The following AP3S1 variants were observed in gnomAD, a reference collection of about 807,000 sequenced individuals.
AP3S1 encodes adaptor related protein complex 3 subunit sigma 1, also known as AP-3 complex subunit sigma-1.
AP3S1 carries 12 observed loss-of-function variants against 21.3 expected under a neutral mutation model. The observed-to-expected ratio is 0.56, with a 90% CI of 0.36 to 0.91. The LOEUF (loss-of-function observed/expected upper bound fraction) is 0.91, where lower values mean the gene tolerates loss of function less well. Ranked by LOEUF, AP3S1 falls within the 40% of genes least tolerant of loss-of-function variation. AP3S1 has a pLI of 0.01. For synonymous variants in AP3S1, 48 were observed against 78.4 expected (o/e 0.61, Z 2.05); for missense variants, 116 against 225.0 (o/e 0.52, Z 3.10).
chr5:115,867,231 A>G (rs1763706039), intron 2 of AP3S1, among the ~76,000 whole-genome samples: 1 of 152,174 alleles, frequency 6.6e-6, no homozygotes, highest in African/African-American at 2.4e-5. Context: ...AGCTTTGCAT[A>G]GAAACACATC....
intron 1 of AP3S1, among the ~76,000 whole-genome samples, chr5:115,850,838 G>C (rs1762389411): frequency 1.3e-5 from 2 of 152,282 alleles, no homozygotes; most frequent in African/African-American, 4.8e-5. Flanking sequence ...TCAGACTCAA[G>C]TATCCTTGGA....
At chr5:115,855,653 T>TA (rs1319769862) in intron 1 of AP3S1, among the ~76,000 whole-genome samples, 1 of 152,188 alleles carries the variant, frequency 6.6e-6, no homozygotes, top group African/African-American at 2.4e-5. Context: ...TATGAGGAAT[T>TA]CGGTTTCTTT....
chr5:115,874,715 A>G lies in AP3S1; in HGVS notation c.273+4587A>G, dbSNP rs1344622320. On this transcript the variant is annotated intron_variant, in intron 3 of 5. Transcript: ENST00000316788. ...AGGAATTATTTTATTCATGGCTGCT[A>G]ATGCTCATTTAGTATGATGTTGAGC... 4.6e-5 allele frequency among the ~76,000 whole-genome samples: 7 copies of G among 152,136 alleles called. 1 individual carries two copies. The South Asian group carries it at 6.2e-4, about 13-fold the overall frequency.
chr5:115,842,224 G>T (rs956626309), intron 1 of AP3S1, 118 bp downstream of exon 1: 7 of 1,372,808 alleles, frequency 5.1e-6, no homozygotes, highest in Non-Finnish European at 6.7e-6. Context: ...TCCCGTCCCG[G>T]CCGCCTGGCG....
intron 5 of AP3S1, among the ~76,000 whole-genome samples, chr5:115,908,507 A>C (rs146475086): frequency 1.4e-4 from 21 of 152,226 alleles, no homozygotes; most frequent in African/African-American, 5.1e-4. Flanking sequence ...TATGGTGAGA[A>C]CCCTTGAGGT....
chr5:115,862,007 A>T (rs1763234580), intron 1 of AP3S1, among the ~76,000 whole-genome samples: 1 of 151,636 alleles, frequency 6.6e-6, no homozygotes, highest in Non-Finnish European at 1.5e-5. Flanking sequence ...ACTCAGAATC[A>T]TTCATATTTA....
chr5:115,862,470 CTG>C (rs1368137042), intron 1 of AP3S1, among the ~76,000 whole-genome samples: 1 of 152,154 alleles, frequency 6.6e-6, no homozygotes, highest in Non-Finnish European at 1.5e-5. Flanking sequence ...CACGTAGAGA[CTG>C]GACGTGGTGC....
chr5:115,853,378 G>T (rs1218441402), intron 1 of AP3S1, among the ~76,000 whole-genome samples: 1 of 152,110 alleles, frequency 6.6e-6, no homozygotes, highest in African/African-American at 2.4e-5. Flanking sequence ...CCTTTGTCAG[G>T]TATATGATGT....
chr5:115,907,078 C>T (rs1175379677), intron 5 of AP3S1: 10 of 842,274 alleles, frequency 1.2e-5, no homozygotes, highest in African/African-American at 3.7e-5. Flanking sequence ...CATGTTTGTT[C>T]TGTTTTGTCT....
chr5:115,876,943 A>C (rs900520976), intron 3 of AP3S1, among the ~76,000 whole-genome samples: 1 of 152,164 alleles, frequency 6.6e-6, no homozygotes, highest in African/African-American at 2.4e-5. Flanking sequence ...TTTGAGTCCA[A>C]CAGGTTTATG....
intron 1 of AP3S1, among the ~76,000 whole-genome samples, chr5:115,861,846 CA>C (rs1239980851): frequency 1.3e-5 from 2 of 148,312 alleles, no homozygotes; most frequent in African/African-American, 5.0e-5. Flanking sequence ...TGAACCAGGC[CA>C]AAATTTTCTT....
chr5:115,870,236 C>A, intron 3 of AP3S1, 108 bp downstream of exon 3: 1 of 663,070 alleles, frequency 1.5e-6, no homozygotes, highest in Non-Finnish European at 2.5e-6. Context: ...AGAAATAAAG[C>A]ATTTCATAAT....
chr5:115,886,111 T>C (rs541339435), intron 3 of AP3S1, among the ~76,000 whole-genome samples: 30 of 152,334 alleles, frequency 2.0e-4, no homozygotes, highest in African/African-American at 7.0e-4. Context: ...GTTAACCTTT[T>C]GCTTTAGATT....
At chr5:115,867,465 T>C (rs935581038) in intron 2 of AP3S1, among the ~76,000 whole-genome samples, 1 of 152,184 alleles carries the variant, frequency 6.6e-6, no homozygotes, top group Admixed American at 6.5e-5. Flanking sequence ...AATGGTTTGT[T>C]CTCAAACATA....
At chr5:115,865,853 C>T (rs945885091) in intron 1 of AP3S1, among the ~76,000 whole-genome samples, 8 of 152,190 alleles carry the variant, frequency 5.3e-5, no homozygotes, top group African/African-American at 1.7e-4. Context: ...GGCTGGAGTG[C>T]AGTGGCGCGA....
intron 1 of AP3S1, among the ~76,000 whole-genome samples, chr5:115,851,993 A>C (rs555300868): frequency 1.2e-4 from 18 of 152,252 alleles, no homozygotes; most frequent in Admixed American, 2.0e-4. Context: ...GAGATTAAAT[A>C]AGAGAATGGT....
At chr5:115,895,199 C>G in intron 4 of AP3S1, 41 bp downstream of exon 4, 1 of 1,357,704 alleles carries the variant, frequency 7.4e-7, no homozygotes, top group Non-Finnish European at 1.0e-6. Flanking sequence ...TTAAGAAAAA[C>G]ATTAACTTAT....
chr5:115,849,902 A>T (rs1174106152), intron 1 of AP3S1, among the ~76,000 whole-genome samples: 1 of 152,126 alleles, frequency 6.6e-6, no homozygotes, highest in Non-Finnish European at 1.5e-5. Context: ...TCTAAAAAAA[A>T]AACAAAAACA....
At chr5:115,908,575 C>T (rs139593458) in intron 5 of AP3S1, among the ~76,000 whole-genome samples, 1 of 152,024 alleles carries the variant, frequency 6.6e-6, no homozygotes, top group African/African-American at 2.4e-5. Context: ...AGTCTGCTCT[C>T]TTTTTTTCAT....
Sources: allele counts gnomAD v4.1 joint callset (sites outside exome capture counted in the v4.1 genomes callset), GRCh38; gene constraint gnomAD v4.1.1; transcripts MANE v1.5; gene names NCBI Gene and HGNC (gene_info 2026-07-23, HGNC 2026-07-21).